DNAJC1: variants seen among roughly 807,000 people sequenced by gnomAD.
The protein encoded by DNAJC1 is DnaJ heat shock protein family (Hsp40) member C1, also known as dnaJ homolog subfamily C member 1.
DNAJC1 carries 58 observed loss-of-function variants against 76.6 expected under a neutral mutation model. The ratio of observed to expected loss-of-function variants is 0.76; its 90% CI spans 0.61 to 0.94. The LOEUF is 0.94. DNAJC1 is among the 40% of genes least tolerant of loss of function. DNAJC1 has a pLI of 0.00. For synonymous variants in DNAJC1, 258 were observed against 267.9 expected (o/e 0.96, Z 0.36); for missense variants, 689 against 677.3 (o/e 1.02, Z -0.19).
At chr10:21,924,436 G>C (rs911059181) in intron 3 of DNAJC1, among the ~76,000 whole-genome samples, 1 of 152,020 alleles carries the variant, frequency 6.6e-6, no homozygotes. Flanking sequence ...AACTGGGTTA[G>C]CAAAAGAAGA....
chr10:21,960,032 A>G (rs945883843), intron 1 of DNAJC1, among the ~76,000 whole-genome samples: 9 of 152,166 alleles, frequency 5.9e-5, no homozygotes, highest in Non-Finnish European at 8.8e-5. Context: ...CCAAGCCACT[A>G]TGATTTTTTG....
At chr10:21,865,266 A>G (rs761936656) in intron 8 of DNAJC1, 1 of 152,162 alleles carries the variant, frequency 6.6e-6, no homozygotes, top group Non-Finnish European at 1.5e-5. Context: ...CTTGACTTGC[A>G]CTTGAATCTT....
chr10:21,826,899 T>C (rs762740985), intron 8 of DNAJC1, among the ~76,000 whole-genome samples: 1 of 152,156 alleles, frequency 6.6e-6, no homozygotes, highest in Non-Finnish European at 1.5e-5. Flanking sequence ...TTTTGAGTAT[T>C]GTAGCTTTGT....
chr10:21,946,049 C>CTTT (rs71510915), intron 1 of DNAJC1, among the ~76,000 whole-genome samples: 1,171 of 93,156 alleles, frequency 0.013, 18 homozygotes, highest in East Asian at 0.016. Context: ...TTCTTTTCCT[C>CTTT]TTTTTTTTTT....
chr10:21,814,891 G>C (rs1056357732), intron 8 of DNAJC1, among the ~76,000 whole-genome samples: 4 of 152,140 alleles, frequency 2.6e-5, no homozygotes, highest in African/African-American at 9.7e-5. Context: ...CTGCCACTCT[G>C]GAAAACTCCT....
At chr10:21,802,356 T>C (rs945694474) in intron 9 of DNAJC1, among the ~76,000 whole-genome samples, 8 of 152,154 alleles carry the variant, frequency 5.3e-5, no homozygotes, top group African/African-American at 1.9e-4. Flanking sequence ...TAACTATATA[T>C]TTAGTTCACT....
chr10:21,891,476 C>CAAAAAAAAAAAAAAAAAAAGAA (rs1554894555), intron 7 of DNAJC1, among the ~76,000 whole-genome samples: 15 of 38,822 alleles, frequency 3.9e-4, no homozygotes, highest in East Asian at 1.5e-3. Flanking sequence ...ACAAAGTAGA[C>CAAAAAAAAAAAAAAAAAAAGAA]AAAAAAAAAA....
chr10:21,842,265 A>C (rs941199305), intron 8 of DNAJC1, among the ~76,000 whole-genome samples: 6 of 152,052 alleles, frequency 3.9e-5, no homozygotes, highest in Non-Finnish European at 8.8e-5. Context: ...AAAAAAAAAA[A>C]ACCTCATGTG....
At chr10:21,985,510 AAGTGCTGGG>A (rs779524677) in intron 1 of DNAJC1, among the ~76,000 whole-genome samples, 1 of 152,028 alleles carries the variant, frequency 6.6e-6, no homozygotes, top group African/African-American at 2.4e-5. Flanking sequence ...CAGCCTCCCA[AAGTGCTGGG>A]ATTACAGGCG....
At chr10:21,869,076 T>C (rs1836057191) in intron 8 of DNAJC1, among the ~76,000 whole-genome samples, 1 of 152,064 alleles carries the variant, frequency 6.6e-6, no homozygotes, top group Non-Finnish European at 1.5e-5. Context: ...GGAAAATTTG[T>C]ATTCTGCAGA....
intron 1 of DNAJC1, among the ~76,000 whole-genome samples, chr10:21,960,737 A>G (rs1837777390): frequency 3.3e-5 from 5 of 152,190 alleles, no homozygotes; most frequent in Admixed American, 2.6e-4. Flanking sequence ...TTTGCAAATC[A>G]TATGTCTGGT....
At chr10:21,779,880 C>T (rs1290251498) in intron 9 of DNAJC1, among the ~76,000 whole-genome samples, 1 of 152,058 alleles carries the variant, frequency 6.6e-6, no homozygotes, top group African/African-American at 2.4e-5. Context: ...CTAGAATAAC[C>T]AGTGTAGAGA....
At chr10:21,855,181 T>C (rs1262392993) in intron 8 of DNAJC1, among the ~76,000 whole-genome samples, 12 of 152,148 alleles carry the variant, frequency 7.9e-5, no homozygotes, top group African/African-American at 2.7e-4. Context: ...AAAGCAAGAA[T>C]ACAAAACACA....
intron 1 of DNAJC1, among the ~76,000 whole-genome samples, chr10:21,935,269 G>C (rs574459323): frequency 6.0e-4 from 92 of 152,082 alleles, no homozygotes; most frequent in African/African-American, 2.2e-3. Context: ...TCACATAATT[G>C]AGAATATCAA....
At chr10:21,811,389 T>TG (rs1834963373) in intron 8 of DNAJC1, among the ~76,000 whole-genome samples, 2 of 152,116 alleles carry the variant, frequency 1.3e-5, no homozygotes, top group Admixed American at 1.3e-4. Context: ...TCACCTTGAA[T>TG]GGGGCCCCTT....
At chr10:21,846,477 T>C (rs1253737416) in intron 8 of DNAJC1, among the ~76,000 whole-genome samples, 1 of 151,986 alleles carries the variant, frequency 6.6e-6, no homozygotes, top group Non-Finnish European at 1.5e-5. Context: ...TTTAAAGAAA[T>C]AAAAGACCAG....
chr10:21,823,188 G>A (rs1457124767), intron 8 of DNAJC1, among the ~76,000 whole-genome samples: 1 of 152,114 alleles, frequency 6.6e-6, no homozygotes, highest in Non-Finnish European at 1.5e-5. Flanking sequence ...TCTATTAGAG[G>A]AGCTTTTTAG....
At chr10:21,956,036 A>G (rs986332182) in intron 1 of DNAJC1, among the ~76,000 whole-genome samples, 1 of 152,236 alleles carries the variant, frequency 6.6e-6, no homozygotes, top group Non-Finnish European at 1.5e-5. Flanking sequence ...TGCTCTAACA[A>G]TACCCGAGAC....
At chr10:21,774,995 T>C (rs1373205785) in intron 9 of DNAJC1, among the ~76,000 whole-genome samples, 1 of 152,188 alleles carries the variant, frequency 6.6e-6, no homozygotes, top group African/African-American at 2.4e-5. Flanking sequence ...AGGACTCAGT[T>C]TGAGAATAGT....
Sources: gnomAD v4.1 joint callset for allele counts (sites outside exome capture counted in the v4.1 genomes callset) on GRCh38, gnomAD v4.1.1 for gene constraint, MANE v1.5 for transcripts, NCBI Gene and HGNC (gene_info 2026-07-23, HGNC 2026-07-21) for gene names.